NBAS: variants seen among roughly 807,000 people sequenced by gnomAD.
The protein encoded by NBAS is NAG/BC035112 fusion.
Under a neutral mutation model 302.5 loss-of-function variants are expected in NBAS, and 219 were observed. The observed-to-expected ratio is 0.72, with a 90% CI of 0.65 to 0.81. The LOEUF (loss-of-function observed/expected upper bound fraction) is 0.81, where lower values mean the gene tolerates loss of function less well. Ranked by LOEUF, NBAS falls within the 30% of genes least tolerant of loss-of-function variation. The pLI is 0.00. For synonymous variants in NBAS, 1,118 were observed against 1,021.6 expected, an observed-to-expected ratio of 1.09 and a Z score of -1.80; for missense variants, 2,932 against 2,841.6, an observed-to-expected ratio of 1.03 and a Z score of -0.72.
intron 38 of NBAS, among the ~76,000 whole-genome samples, chr2:15,320,884 G>GA (rs1356872761): frequency 4.6e-5 from 7 of 152,134 alleles, no homozygotes; most frequent in South Asian, 4.1e-4. Flanking sequence ...CATAGAATTG[G>GA]AAAAAACTAC....
chr2:15,429,309 T>C (rs953510849), intron 21 of NBAS, among the ~76,000 whole-genome samples: 4 of 152,216 alleles, frequency 2.6e-5, no homozygotes, highest in African/African-American at 9.6e-5. Flanking sequence ...TAAAACAAAC[T>C]TCAATTGCCT....
At chr2:14,896,143 C>T in the NBAS span, among the ~76,000 whole-genome samples, 42,642 of 151,820 alleles carry the variant, frequency 0.28, 6,596 homozygotes, top group Non-Finnish European at 0.35. Context: ...GTACAAATTA[C>T]CTGAATCGGC....
chr2:15,468,327 C>T lies in NBAS; in HGVS notation c.1877+55G>A. ...GTTTACCCAGTCCAATGTCTCAGTA[C>T]AAAAGTTTTCACAAAGTCACCTTTA... On this transcript the variant is annotated intron_variant, in intron 17 of 51. Transcript: ENST00000281513. 5 of 1,601,616 alleles carry T rather than the reference C, an allele frequency of 3.1e-6. No homozygotes were observed. The South Asian group carries it at 3.3e-5, about 11-fold the overall frequency.
the NBAS span, among the ~76,000 whole-genome samples, chr2:14,801,842 G>A: frequency 4.6e-5 from 7 of 151,162 alleles, no homozygotes; most frequent in African/African-American, 1.7e-4. Flanking sequence ...GTCTGTTCAT[G>A]TCCTTCGCCC....
At chr2:15,225,239 T>C (rs1667105213) in intron 47 of NBAS, among the ~76,000 whole-genome samples, 2 of 152,248 alleles carry the variant, frequency 1.3e-5, no homozygotes, top group African/African-American at 4.8e-5. Context: ...GCTTCACTTA[T>C]CAGTGAAAGG....
At chr2:15,541,933 C>G (rs369774299) in intron 6 of NBAS, among the ~76,000 whole-genome samples, 1 of 63,520 alleles carries the variant, frequency 1.6e-5, no homozygotes, top group African/African-American at 6.0e-5. Context: ...CCCGGCCAGC[C>G]GCCCCGTCCG....
chr2:15,008,975 A>T, the NBAS span, among the ~76,000 whole-genome samples: 9 of 152,212 alleles, frequency 5.9e-5, no homozygotes, highest in African/African-American at 1.9e-4. Context: ...TTAGCAAATT[A>T]AAGTGATTTT....
the NBAS span, among the ~76,000 whole-genome samples, chr2:14,828,542 A>G: frequency 3.9e-5 from 6 of 152,216 alleles, no homozygotes; most frequent in Non-Finnish European, 5.9e-5. Flanking sequence ...GGGAAGCCTT[A>G]GAAAAGTTCT....
At chr2:15,503,256 A>G (rs1661665154) in intron 11 of NBAS, among the ~76,000 whole-genome samples, 1 of 152,110 alleles carries the variant, frequency 6.6e-6, no homozygotes, top group African/African-American at 2.4e-5. Context: ...AAGTAGAAGG[A>G]GTACTCTCTA....
At chr2:15,019,472 G>T in the NBAS span, among the ~76,000 whole-genome samples, 1 of 152,090 alleles carries the variant, frequency 6.6e-6, no homozygotes, top group African/African-American at 2.4e-5. Flanking sequence ...GAGGAAGAGG[G>T]GCTGCAGACA....
chr2:15,006,562 A>C, the NBAS span, among the ~76,000 whole-genome samples: 4 of 152,254 alleles, frequency 2.6e-5, no homozygotes, highest in Non-Finnish European at 5.9e-5. Context: ...TAAAATATGA[A>C]GGATTCCCAT....
intron 10 of NBAS, among the ~76,000 whole-genome samples, chr2:15,505,782 CTT>C (rs1280664104): frequency 6.6e-6 from 1 of 152,044 alleles, no homozygotes; most frequent in Non-Finnish European, 1.5e-5. Flanking sequence ...CAAAAGAAAA[CTT>C]TAACATAGCA....
the NBAS span, among the ~76,000 whole-genome samples, chr2:14,959,651 T>A: frequency 6.6e-6 from 1 of 152,222 alleles, no homozygotes; most frequent in Admixed American, 6.5e-5. Flanking sequence ...ATTGAACTAT[T>A]TGAAATTCTG....
intron 23 of NBAS, among the ~76,000 whole-genome samples, chr2:15,421,820 A>T (rs541646568): frequency 2.3e-4 from 35 of 152,244 alleles, no homozygotes; most frequent in Admixed American, 6.5e-4. Flanking sequence ...TTTTCCTTTA[A>T]TACACTTTAT....
chr2:15,265,728 A>G (rs1030918687), intron 44 of NBAS, among the ~76,000 whole-genome samples: 1 of 152,238 alleles, frequency 6.6e-6, no homozygotes, highest in Non-Finnish European at 1.5e-5. Context: ...GAAACCTAAT[A>G]TTTGTACTTT....
chr2:14,791,910 C>T, the NBAS span, among the ~76,000 whole-genome samples: 2 of 152,044 alleles, frequency 1.3e-5, no homozygotes, highest in African/African-American at 4.8e-5. Context: ...GCAGCCTGAT[C>T]CCGAAAACAT....
the NBAS span, among the ~76,000 whole-genome samples, chr2:14,797,236 T>G: frequency 3.9e-5 from 6 of 152,086 alleles, no homozygotes; most frequent in African/African-American, 1.4e-4. Flanking sequence ...GTTCCGTCAC[T>G]CAGTAAAACT....
chr2:14,799,302 CTT>C, the NBAS span, among the ~76,000 whole-genome samples: 2 of 151,884 alleles, frequency 1.3e-5, no homozygotes, highest in Non-Finnish European at 2.9e-5. Flanking sequence ...CTTTTGATTT[CTT>C]TTTTGAGTCA....
intron 9 of NBAS, among the ~76,000 whole-genome samples, chr2:15,516,722 CAA>C (rs67488599): frequency 7.4e-4 from 101 of 136,044 alleles, no homozygotes; most frequent in African/African-American, 2.5e-3. Context: ...GACTCCATTT[CAA>C]AAAAAAAAAA....
Sources: allele counts gnomAD v4.1 joint callset (sites outside exome capture counted in the v4.1 genomes callset), GRCh38; gene constraint gnomAD v4.1.1; transcripts MANE v1.5; gene names NCBI Gene and HGNC (gene_info 2026-07-23, HGNC 2026-07-21).